The following LRRC8D variants were observed in gnomAD, a reference collection of about 807,000 sequenced individuals.
LRRC8D encodes volume-regulated anion channel subunit LRRC8D.
In LRRC8D, 20 loss-of-function variants were observed where a neutral mutation model predicts 55.8. The ratio of observed to expected loss-of-function variants is 0.36; its 90% CI spans 0.25 to 0.52. LRRC8D has a LOEUF of 0.52. Among genes scored for constraint, LRRC8D ranks in the 20% least tolerant of loss-of-function variants. The pLI, the probability that LRRC8D is intolerant of heterozygous loss-of-function variation, is 0.93. For synonymous variants in LRRC8D, 352 were observed against 377.0 expected (o/e 0.93, Z 0.77); for missense variants, 651 against 1,030.8 (o/e 0.63, Z 5.05).
chr1:89,883,570 T>A (rs901803421), intron 2 of LRRC8D, among the ~76,000 whole-genome samples: 1 of 152,094 alleles, frequency 6.6e-6, no homozygotes, highest in Non-Finnish European at 1.5e-5. Flanking sequence ...TGAAGAGAGA[T>A]GCCCTGGAGG....
Position 89,934,586 on chromosome 1 carries a change from T to C in LRRC8D, c.1518T>C (p.Pro506=). 1 of 1,614,210 alleles carries C rather than the reference T, an allele frequency of 6.2e-7. No individual in the cohort carries two copies. Among genetic ancestry groups the C allele is most frequent in the South Asian group, 1.1e-5 (1 of 91,082 alleles). ...AACTAATTCCAGAAGCTAAAATTCCTGCTAAGATTTCTCAAATGACTAACC... is the reference window on the plus strand; with the variant it reads ...AACTAATTCCAGAAGCTAAAATTCCCGCTAAGATTTCTCAAATGACTAACC... The part of the protein sequence containing the change: ...KLELIPEAKI[P]AKISQMTNLQ... Residue 506 remains proline, a synonymous_variant, in exon 3 of 3, where the codon CCT becomes CCC. Coordinates refer to ENST00000337338, the MANE Select transcript of LRRC8D (RefSeq NM_001134479.2). The surrounding 1 kb of genome is among the most constrained non-coding windows in gnomAD (Gnocchi z 5.9).
At chr1:89,908,777 C>T (rs1448630285) in intron 2 of LRRC8D, among the ~76,000 whole-genome samples, 2 of 152,170 alleles carry the variant, frequency 1.3e-5, no homozygotes. Flanking sequence ...TGGGTCCAGG[C>T]AGGAGGGGCT....
chr1:89,892,220 G>A (rs1662595264), intron 2 of LRRC8D, among the ~76,000 whole-genome samples: 7 of 152,012 alleles, frequency 4.6e-5, no homozygotes, highest in African/African-American at 7.3e-5. Context: ...GAACGCCCTC[G>A]CTCCATGTTT....
chr1:89,847,045 ACGTGAGCAAACCC>A, intron 2 of LRRC8D, among the ~76,000 whole-genome samples: 1 of 152,124 alleles, frequency 6.6e-6, no homozygotes, highest in Non-Finnish European at 1.5e-5. Flanking sequence ...TTACAGAACA[ACGTGAGCAAACCC>A]ATGTAACTTT....
chr1:89,839,105 A>G (rs1202617595), intron 1 of LRRC8D, among the ~76,000 whole-genome samples: 1 of 152,216 alleles, frequency 6.6e-6, no homozygotes, highest in Non-Finnish European at 1.5e-5. Context: ...AGAAGGAAGA[A>G]CAGACCCAGG....
intron 2 of LRRC8D, among the ~76,000 whole-genome samples, chr1:89,898,762 C>T (rs772210996): frequency 4.6e-5 from 7 of 152,346 alleles, no homozygotes; most frequent in South Asian, 2.1e-4. Context: ...TTCACCTGTT[C>T]TAAGCATACA....
chr1:89,852,856 T>A (rs149277330), intron 2 of LRRC8D, among the ~76,000 whole-genome samples: 1 of 152,284 alleles, frequency 6.6e-6, no homozygotes, highest in Non-Finnish European at 1.5e-5. Flanking sequence ...AGCCAAGCGA[T>A]GGTGGTACAG....
At chr1:89,880,809 T>TA (rs1662263071) in intron 2 of LRRC8D, among the ~76,000 whole-genome samples, 1 of 152,178 alleles carries the variant, frequency 6.6e-6, no homozygotes, top group Admixed American at 6.5e-5. Flanking sequence ...AATGTTAGAT[T>TA]AATTTTTTCA....
At chr1:89,842,639 G>C (rs1017785277) in intron 1 of LRRC8D, among the ~76,000 whole-genome samples, 2 of 145,116 alleles carry the variant, frequency 1.4e-5, no homozygotes, top group South Asian at 2.1e-4. Context: ...TTTTTAACCT[G>C]GTAGACTGTG....
chr1:89,830,888 A>G (rs1377174500), intron 1 of LRRC8D, among the ~76,000 whole-genome samples: 1 of 152,052 alleles, frequency 6.6e-6, no homozygotes, highest in Non-Finnish European at 1.5e-5. Context: ...GGGTTTGAAT[A>G]AAAAGCACAA....
intron 1 of LRRC8D, among the ~76,000 whole-genome samples, chr1:89,836,404 A>G (rs997167920): frequency 1.3e-5 from 2 of 152,204 alleles, no homozygotes; most frequent in Non-Finnish European, 2.9e-5. Flanking sequence ...TTGTCCTGCC[A>G]TGTGTTTGCA....
intron 2 of LRRC8D, among the ~76,000 whole-genome samples, chr1:89,867,762 A>G (rs1232165490): frequency 3.3e-5 from 5 of 152,212 alleles, no homozygotes; most frequent in Non-Finnish European, 5.9e-5. Context: ...TTTTTCTAAT[A>G]ACTAAGGATG....
intron 2 of LRRC8D, among the ~76,000 whole-genome samples, chr1:89,871,316 A>T (rs1444531564): frequency 1.3e-5 from 2 of 152,230 alleles, no homozygotes; most frequent in African/African-American, 4.8e-5. Flanking sequence ...AAAGAAAGCT[A>T]GTAGGTGATT....
intron 1 of LRRC8D, among the ~76,000 whole-genome samples, chr1:89,823,101 T>C (rs1660679634): frequency 6.6e-6 from 1 of 152,196 alleles, no homozygotes; most frequent in Non-Finnish European, 1.5e-5. Flanking sequence ...GAACACTATG[T>C]TAGATTTGTC....
chr1:89,855,582 A>G (rs1459975719), intron 2 of LRRC8D, among the ~76,000 whole-genome samples: 1 of 152,200 alleles, frequency 6.6e-6, no homozygotes, highest in African/African-American at 2.4e-5. Context: ...AATTCTTCAC[A>G]GGAAGAAACA....
At chr1:89,928,405 A>C (rs1663621003) in intron 2 of LRRC8D, among the ~76,000 whole-genome samples, 1 of 152,132 alleles carries the variant, frequency 6.6e-6, no homozygotes, top group East Asian at 1.9e-4. Flanking sequence ...CATGATAGCA[A>C]TTTGAAGGAA....
chr1:89,843,903 A>G (rs1232335995), intron 2 of LRRC8D, 121 bp downstream of exon 2: 1 of 513,390 alleles, frequency 1.9e-6, no homozygotes, highest in Non-Finnish European at 3.5e-6. Context: ...GCCCCCCACC[A>G]CTGGCTTCTC....
intron 2 of LRRC8D, among the ~76,000 whole-genome samples, chr1:89,923,220 G>A (rs1663467524): frequency 6.6e-6 from 1 of 152,208 alleles, no homozygotes; most frequent in South Asian, 2.1e-4. Context: ...GCTTTGGAAT[G>A]TGAAATCCAC....
In LRRC8D at chr1:89,893,586, C is replaced by G. The variant is rs190361495; in HGVS notation, c.-2-39481C>G. 4.6e-5 allele frequency among the ~76,000 whole-genome samples: 7 copies of G among 152,230 alleles called. No individual in the cohort carries two copies. The East Asian group carries it at 1.3e-3, about 29-fold the overall frequency. ...ATAAGAATGCTCTTGTTTTCCCAAG[C>G]ATACATTTTTTCCCTGAAGTAGATA... On this transcript the variant is annotated intron_variant, in intron 2 of 2. Transcript: ENST00000337338.
Sources: gnomAD v4.1 joint callset for allele counts (sites outside exome capture counted in the v4.1 genomes callset) on GRCh38, gnomAD v4.1.1 for gene constraint, Gnocchi (gnomAD v3.1) non-coding constraint, MANE v1.5 for transcripts, NCBI Gene and HGNC (gene_info 2026-07-23, HGNC 2026-07-21) for gene names.